Variants in TAFA5 observed in about 807,000 individuals in gnomAD.
The protein encoded by TAFA5 is chemokine-like protein TAFA-5.
A neutral mutation model predicts 15.3 loss-of-function variants in TAFA5; 6 were observed. That is an observed-to-expected ratio of 0.39 (90% CI 0.21 to 0.77). The LOEUF is 0.77. Among genes scored for constraint, TAFA5 ranks in the 30% least tolerant of loss-of-function variants. The probability of loss-of-function intolerance (pLI) is 0.41; values close to 1 mark genes in which losing one functional copy is unlikely to be tolerated. For missense variants in TAFA5, 161 were observed against 193.1 expected (o/e 0.83, Z 0.98); for synonymous variants, 103 against 80.7 (o/e 1.28, Z -1.48).
intron 2 of TAFA5, among the ~76,000 whole-genome samples, chr22:48,699,257 C>G (rs990438001): frequency 3.3e-5 from 5 of 152,090 alleles, no homozygotes; most frequent in African/African-American, 1.2e-4. Flanking sequence ...AGGGAAAGAC[C>G]CACCCTACTG....
chr22:48,494,566 C>T (rs1015642649), intron 1 of TAFA5, among the ~76,000 whole-genome samples: 12 of 152,208 alleles, frequency 7.9e-5, no homozygotes, highest in African/African-American at 2.9e-4. Flanking sequence ...CCCATAGCGT[C>T]TGGTGTGTCT....
At chr22:48,728,305 A>G (rs1358995222) in intron 3 of TAFA5, among the ~76,000 whole-genome samples, 1 of 152,184 alleles carries the variant, frequency 6.6e-6, no homozygotes, top group Admixed American at 6.5e-5. Context: ...ACTTTCTTAT[A>G]ATTTATTGAT....
At chr22:48,617,543 C>A (rs946166706) in intron 1 of TAFA5, among the ~76,000 whole-genome samples, 1 of 152,232 alleles carries the variant, frequency 6.6e-6, no homozygotes, top group Non-Finnish European at 1.5e-5. Flanking sequence ...GCCCCGGAAG[C>A]GCCTCTCGCA....
intron 1 of TAFA5, among the ~76,000 whole-genome samples, chr22:48,515,800 A>C (rs74753377): frequency 0.018 from 2,744 of 152,150 alleles, 117 homozygotes; most frequent in East Asian, 0.18. Context: ...CGCTGAAGCC[A>C]CACCTCAGAA....
At chr22:48,735,737 A>C (rs545862107) in intron 3 of TAFA5, among the ~76,000 whole-genome samples, 7 of 152,000 alleles carry the variant, frequency 4.6e-5, no homozygotes, top group Non-Finnish European at 1.0e-4. Context: ...GAGTCCACAG[A>C]GTCCATCCCC....
chr22:48,538,023 C>T (rs916955418), intron 1 of TAFA5, among the ~76,000 whole-genome samples: 4 of 152,230 alleles, frequency 2.6e-5, no homozygotes, highest in Admixed American at 6.5e-5. Flanking sequence ...CAGCTCCACG[C>T]CCCTTCCTGA....
rs1354216307 is a variant in TAFA5, at chr22:48,621,029, C to A, written c.113-25568C>A. The stretch of plus-strand genomic sequence containing the variant: ...TATCCACCCATCCACCCACACTATC[C>A]ATCCACCCTCCCACCCATCCACCCA... On this transcript the variant is annotated intron_variant, in intron 1 of 3. Transcript: ENST00000402357. Among the ~76,000 whole-genome samples the A allele has an allele frequency of 1.0e-4, 8 of 77,522 alleles. No homozygotes were observed. In the East Asian group the frequency reaches 3.3e-3, roughly 32 times the overall value. 50.9% of individuals were successfully genotyped at this position (77,522 alleles called of 152,430 possible). A position where few individuals can be genotyped will look rare whatever the true frequency, so the allele number is the denominator to read the frequency against.
intron 1 of TAFA5, among the ~76,000 whole-genome samples, chr22:48,534,928 C>T (rs1329541802): frequency 2.6e-5 from 4 of 152,180 alleles, no homozygotes; most frequent in African/African-American, 9.7e-5. Context: ...GCTGCAGCCT[C>T]AGCACAGACG....
intron 1 of TAFA5, among the ~76,000 whole-genome samples, chr22:48,556,619 G>T (rs747708262): frequency 2.0e-5 from 3 of 152,246 alleles, no homozygotes; most frequent in African/African-American, 4.8e-5. Context: ...GTCCCTGGGG[G>T]CTCTGGTCTG....
intron 1 of TAFA5, among the ~76,000 whole-genome samples, chr22:48,493,847 C>T (rs888945022): frequency 2.0e-5 from 3 of 152,202 alleles, no homozygotes; most frequent in African/African-American, 7.2e-5. Flanking sequence ...GACTTCCCAG[C>T]GGCTCTAGAC....
At chr22:48,555,818 G>A (rs866922024) in intron 1 of TAFA5, among the ~76,000 whole-genome samples, 17 of 152,292 alleles carry the variant, frequency 1.1e-4, no homozygotes, top group South Asian at 6.2e-4. Flanking sequence ...CGCTGTGGCC[G>A]CTGGCTGGAG....
At chr22:48,515,723 G>C (rs899750853) in intron 1 of TAFA5, among the ~76,000 whole-genome samples, 7 of 152,192 alleles carry the variant, frequency 4.6e-5, no homozygotes, top group Non-Finnish European at 2.9e-5. Flanking sequence ...CAGGCGGGAC[G>C]GGGAGTGTGG....
chr22:48,713,098 C>T (rs568533545), intron 3 of TAFA5, among the ~76,000 whole-genome samples: 1 of 152,364 alleles, frequency 6.6e-6, no homozygotes, highest in South Asian at 2.1e-4. Flanking sequence ...AGATGGAAAT[C>T]CTGTTTGCAC....
chr22:48,629,581 T>C (rs1263516805), intron 1 of TAFA5, among the ~76,000 whole-genome samples: 1 of 152,192 alleles, frequency 6.6e-6, no homozygotes, highest in Non-Finnish European at 1.5e-5. Flanking sequence ...TTTTAAATAC[T>C]GGGGAGTCAC....
chr22:48,675,357 A>C (rs1356212399), intron 2 of TAFA5, among the ~76,000 whole-genome samples: 1 of 152,248 alleles, frequency 6.6e-6, no homozygotes, highest in East Asian at 1.9e-4. Flanking sequence ...TCTGGGCCTC[A>C]GAGGTTGCAG....
intron 3 of TAFA5, among the ~76,000 whole-genome samples, chr22:48,723,259 C>T (rs1929622682): frequency 6.6e-6 from 1 of 152,176 alleles, no homozygotes; most frequent in Non-Finnish European, 1.5e-5. Context: ...GAATGAAATA[C>T]GACGTGTGGC....
chr22:48,529,204 A>ATGGGGGTGTCCAGGCAGGAG (rs1921879429), intron 1 of TAFA5, among the ~76,000 whole-genome samples: 2 of 83,876 alleles, frequency 2.4e-5, no homozygotes, highest in African/African-American at 4.3e-5. Flanking sequence ...CCAGGCAGGA[A>ATGGGGGTGTCCAGGCAGGAG]ATGAGGATGT....
chr22:48,745,713 G>A (rs961092439), intron 3 of TAFA5, among the ~76,000 whole-genome samples: 2 of 152,216 alleles, frequency 1.3e-5, no homozygotes, highest in African/African-American at 2.4e-5. Flanking sequence ...TGCCTCTTCT[G>A]TCCACTGTGG....
At chr22:48,561,562 G>A (rs1044882058) in intron 1 of TAFA5, among the ~76,000 whole-genome samples, 3 of 152,192 alleles carry the variant, frequency 2.0e-5, no homozygotes, top group African/African-American at 7.2e-5. Context: ...ACCCCTGTTT[G>A]TATCCGCTCC....
Sources: gnomAD v4.1 joint callset for allele counts (sites outside exome capture counted in the v4.1 genomes callset) on GRCh38, gnomAD v4.1.1 for gene constraint, MANE v1.5 for transcripts, NCBI Gene and HGNC (gene_info 2026-07-23, HGNC 2026-07-21) for gene names.